The following STIM1 variants were observed in gnomAD, a reference collection of about 807,000 sequenced individuals.
STIM1 encodes stromal interaction molecule 1.
A neutral mutation model predicts 74.7 loss-of-function variants in STIM1; 25 were observed. The observed-to-expected ratio is 0.33, with a 90% CI of 0.24 to 0.47. STIM1 has a LOEUF of 0.47. Among genes scored for constraint, STIM1 ranks in the 20% least tolerant of loss-of-function variants. STIM1 has a pLI of 1.00. For synonymous variants in STIM1, 328 were observed against 348.8 expected, an observed-to-expected ratio of 0.94 and a Z score of 0.66; for missense variants, 728 against 920.8, an observed-to-expected ratio of 0.79 and a Z score of 2.71.
At chr11:3,910,983 GACAA>G (rs1226815821) in intron 1 of STIM1, among the ~76,000 whole-genome samples, 2 of 152,028 alleles carry the variant, frequency 1.3e-5, no homozygotes, top group African/African-American at 2.4e-5. Flanking sequence ...GAGACAAACA[GACAA>G]ACAAACAAAC....
intron 2 of STIM1, among the ~76,000 whole-genome samples, chr11:4,013,961 T>C (rs1446065792): frequency 2.0e-5 from 3 of 151,892 alleles, no homozygotes; most frequent in Non-Finnish European, 4.4e-5. Context: ...CCCGTGTTGG[T>C]TTCCCAAAGT....
intron 2 of STIM1, among the ~76,000 whole-genome samples, chr11:3,986,323 G>C (rs1245879852): frequency 6.6e-6 from 1 of 152,182 alleles, no homozygotes; most frequent in African/African-American, 2.4e-5. Flanking sequence ...GGGTTTACAT[G>C]GGGAGGGGGC....
chr11:3,901,126 G>T (rs912351375), intron 1 of STIM1, among the ~76,000 whole-genome samples: 1 of 152,104 alleles, frequency 6.6e-6, no homozygotes, highest in Non-Finnish European at 1.5e-5. Flanking sequence ...AGGAGGCGGA[G>T]GCTGCAGTCA....
At chr11:3,974,347 G>C (rs544306138) in intron 2 of STIM1, 71 of 204,446 alleles carry the variant, frequency 3.5e-4, no homozygotes, top group African/African-American at 1.3e-3. Flanking sequence ...ATTAGACTTA[G>C]GGCAAACTGA....
chr11:3,977,086 C>G (rs765160184), intron 2 of STIM1, among the ~76,000 whole-genome samples: 2 of 152,196 alleles, frequency 1.3e-5, no homozygotes, highest in African/African-American at 2.4e-5. Flanking sequence ...TGAGCCACCA[C>G]GCCTGGCCCC....
chr11:4,052,985 C>G (rs1003624163), intron 3 of STIM1, among the ~76,000 whole-genome samples: 7 of 152,228 alleles, frequency 4.6e-5, no homozygotes, highest in Non-Finnish European at 7.3e-5. Flanking sequence ...GAAAAATGCT[C>G]ATCGTCACTG....
intron 6 of STIM1, among the ~76,000 whole-genome samples, chr11:4,073,141 G>A (rs868164600): frequency 2.9e-4 from 38 of 130,402 alleles, no homozygotes; most frequent in African/African-American, 1.1e-3. Context: ...GGTCCTTCTT[G>A]TTCTGTAGTC....
At position 4,086,503 on chromosome 11, in the gene STIM1, C is replaced by A. The variant is rs753214223; in HGVS notation, c.1594C>A (p.Gln532Lys). Residue 532 changes from glutamine (Q) to lysine (K), a missense_variant, in exon 12 of 13, where the codon CAG becomes AAG. Physicochemically the swap from Gln to Lys is moderately conservative, Grantham distance 53. Coordinates refer to ENST00000526596, the MANE Select transcript of STIM1 (RefSeq NM_001382567.1). Reference protein sequence around the residue: ...PAPSLQSSVRQRLTEPQHGLG... With the variant: ...PAPSLQSSVRKRLTEPQHGLG... ...CCCTAGCCTGCAGAGCAGTGTTCGG[C>A]AGCGCCTGACGGAGCCACAGCATGG... 1.4e-5 allele frequency: 22 copies of A among 1,614,156 alleles called. No homozygotes were observed. Among genetic ancestry groups the A allele is most frequent in the Non-Finnish European group, 1.9e-5 (22 of 1,180,036 alleles).
At chr11:3,943,289 T>TACTC (rs2093032705) in intron 1 of STIM1, among the ~76,000 whole-genome samples, 1 of 152,218 alleles carries the variant, frequency 6.6e-6, no homozygotes, top group Non-Finnish European at 1.5e-5. Context: ...AAATGGGGAC[T>TACTC]ACTCACATGA....
At chr11:4,052,449 C>T (rs1353327770) in intron 3 of STIM1, among the ~76,000 whole-genome samples, 2 of 152,202 alleles carry the variant, frequency 1.3e-5, no homozygotes. Flanking sequence ...CTGTAACCAT[C>T]TGATCTTTGA....
At chr11:4,052,623 A>G (rs1298406750) in intron 3 of STIM1, among the ~76,000 whole-genome samples, 3 of 152,214 alleles carry the variant, frequency 2.0e-5, no homozygotes, top group African/African-American at 7.2e-5. Flanking sequence ...TAGACCTAAA[A>G]CCATGAAAAC....
chr11:4,044,996 A>G (rs951741955), intron 3 of STIM1, among the ~76,000 whole-genome samples: 1 of 152,142 alleles, frequency 6.6e-6, no homozygotes, highest in African/African-American at 2.4e-5. Context: ...CTCATCTAAA[A>G]TGTCATTGGG....
chr11:3,901,364 A>T (rs117527293), intron 1 of STIM1, among the ~76,000 whole-genome samples: 7,717 of 152,220 alleles, frequency 0.051, 269 homozygotes, highest in Middle Eastern at 0.12. Context: ...TTTATCCTCA[A>T]AAACCACCTA....
intron 1 of STIM1, among the ~76,000 whole-genome samples, chr11:3,964,758 T>C (rs552390426): frequency 1.3e-5 from 2 of 151,012 alleles, no homozygotes; most frequent in African/African-American, 4.9e-5. Flanking sequence ...AGGGTCTCGC[T>C]CTGTTGCCCA....
At position 4,020,416 on chromosome 11, in the gene STIM1, A is replaced by G. The variant is rs542873432; in HGVS notation, c.271-3457A>G. ...ACTGTACTAATTTACACTGCCACCA[A>G]CAGTGTGTAAGGGTTTCCCTTTCTC... On this transcript the variant is annotated intron_variant, in intron 2 of 12. Coordinates refer to ENST00000526596, the MANE Select transcript of STIM1 (RefSeq NM_001382567.1). 3.3e-5 allele frequency among the ~76,000 whole-genome samples: 5 copies of G among 152,318 alleles called. No individual in the cohort carries two copies. The East Asian group carries it at 9.6e-4, about 29-fold the overall frequency.
At chr11:3,898,976 T>G (rs2092271230) in intron 1 of STIM1, among the ~76,000 whole-genome samples, 1 of 151,810 alleles carries the variant, frequency 6.6e-6, no homozygotes, top group African/African-American at 2.4e-5. Context: ...TTCTTTTGGC[T>G]TAGGACTGAC....
chr11:4,001,461 C>G (rs2093716192), intron 2 of STIM1, among the ~76,000 whole-genome samples: 1 of 152,146 alleles, frequency 6.6e-6, no homozygotes, highest in Non-Finnish European at 1.5e-5. Context: ...AATTTTCAAC[C>G]CAGAATTTCA....
chr11:4,014,921 C>G (rs558776073), intron 2 of STIM1, among the ~76,000 whole-genome samples: 2 of 152,150 alleles, frequency 1.3e-5, no homozygotes, highest in African/African-American at 4.8e-5. Context: ...TCCTCTATCC[C>G]TTTATTTTGA....
chr11:4,060,540 T>G (rs375016505), intron 5 of STIM1, among the ~76,000 whole-genome samples: 62 of 152,292 alleles, frequency 4.1e-4, no homozygotes, highest in Admixed American at 1.4e-3. Context: ...ACCTTTTTTT[T>G]GGGGGAGTGG....
Sources: allele counts gnomAD v4.1 joint callset (sites outside exome capture counted in the v4.1 genomes callset), GRCh38; gene constraint gnomAD v4.1.1; transcripts MANE v1.5; gene names NCBI Gene and HGNC (gene_info 2026-07-23, HGNC 2026-07-21).